NCALD: variants seen among roughly 807,000 people sequenced by gnomAD.
NCALD encodes neurocalcin-delta.
A neutral mutation model predicts 18.6 loss-of-function variants in NCALD; 10 were observed. The ratio of observed to expected loss-of-function variants is 0.54; its 90% CI spans 0.33 to 0.91. The LOEUF (loss-of-function observed/expected upper bound fraction) is 0.91. Ranked by LOEUF, NCALD falls within the 40% of genes least tolerant of loss-of-function variation. The pLI is 0.03. For missense variants in NCALD, 184 were observed against 247.6 expected, an observed-to-expected ratio of 0.74 and a Z score of 1.72; for synonymous variants, 88 against 87.4, an observed-to-expected ratio of 1.01 and a Z score of -0.04.
chr8:102,110,809 C>T (rs13278017), intron 1 of NCALD, among the ~76,000 whole-genome samples: 17,024 of 151,860 alleles, frequency 0.11, 1,023 homozygotes, highest in Middle Eastern at 0.13. Context: ...ATAATAATAG[C>T]AAAAAATGTA....
intron 2 of NCALD, among the ~76,000 whole-genome samples, chr8:101,994,125 G>C (rs1216324490): frequency 2.0e-5 from 3 of 152,108 alleles, no homozygotes; most frequent in Non-Finnish European, 4.4e-5. Flanking sequence ...CACATTTCTA[G>C]AACTTCTTCT....
intron 2 of NCALD, among the ~76,000 whole-genome samples, chr8:101,984,904 G>C (rs1820747860): frequency 6.6e-6 from 1 of 152,146 alleles, no homozygotes; most frequent in South Asian, 2.1e-4. Context: ...CATCTCTGCT[G>C]AGAACTTAGG....
chr8:102,051,216 G>A (rs1328310673), intron 1 of NCALD, among the ~76,000 whole-genome samples: 1 of 152,048 alleles, frequency 6.6e-6, no homozygotes, highest in African/African-American at 2.4e-5. Flanking sequence ...TGCTAGGTTT[G>A]GATCCTGGCT....
chr8:101,886,330 C>A (rs951363571), intron 4 of NCALD, among the ~76,000 whole-genome samples: 1 of 152,080 alleles, frequency 6.6e-6, no homozygotes, highest in Non-Finnish European at 1.5e-5. Flanking sequence ...ATCTGCCCTG[C>A]CCCCATTTAT....
intron 2 of NCALD, among the ~76,000 whole-genome samples, chr8:101,716,774 A>T (rs549363655): frequency 2.6e-5 from 4 of 152,348 alleles, no homozygotes; most frequent in African/African-American, 9.6e-5. Context: ...ATTCCCCTAA[A>T]TTATTCACAT....
chr8:101,948,004 G>A (rs907037951), intron 2 of NCALD, among the ~76,000 whole-genome samples: 4 of 152,252 alleles, frequency 2.6e-5, no homozygotes, highest in Non-Finnish European at 5.9e-5. Context: ...GATGTGGCCA[G>A]GTTATGGCCA....
chr8:102,048,216 AC>A (rs1823316214), intron 1 of NCALD, among the ~76,000 whole-genome samples: 1 of 152,222 alleles, frequency 6.6e-6, no homozygotes, highest in Non-Finnish European at 1.5e-5. Flanking sequence ...TGGAGGCTTC[AC>A]CAAAGATACG....
At chr8:101,691,044 C>T (rs1049635146) in intron 3 of NCALD, 1 of 985,252 alleles carries the variant, frequency 1.0e-6, no homozygotes, top group African/African-American at 1.7e-5. Context: ...AGTTAGATTC[C>T]AAGAGCAACA....
chr8:101,823,064 C>T (rs1813785763), intron 4 of NCALD, among the ~76,000 whole-genome samples: 1 of 152,056 alleles, frequency 6.6e-6, no homozygotes, highest in Admixed American at 6.5e-5. Flanking sequence ...TTTTATAAGC[C>T]TTGTCTGGAT....
chr8:101,851,022 TACTTCAAGGCA>T (rs1385339276), intron 4 of NCALD, among the ~76,000 whole-genome samples: 10 of 152,222 alleles, frequency 6.6e-5, no homozygotes, highest in African/African-American at 2.4e-4. Context: ...GTTTTTGTTT[TACTTCAAGGCA>T]ACTGAAAGCC....
At chr8:102,034,779 C>G (rs1357980068) in intron 1 of NCALD, among the ~76,000 whole-genome samples, 1 of 152,122 alleles carries the variant, frequency 6.6e-6, no homozygotes, top group Admixed American at 6.5e-5. Context: ...AGAAGTGGAC[C>G]GTGACACAAC....
chr8:102,040,042 T>A (rs1018587233), intron 1 of NCALD, among the ~76,000 whole-genome samples: 2 of 152,178 alleles, frequency 1.3e-5, no homozygotes, highest in African/African-American at 4.8e-5. Flanking sequence ...CAGGTATCCC[T>A]TTACAGCACA....
intron 2 of NCALD, among the ~76,000 whole-genome samples, chr8:101,976,285 G>A (rs915092688): frequency 1.3e-4 from 20 of 152,076 alleles, no homozygotes; most frequent in Admixed American, 2.6e-4. Flanking sequence ...ATTTGAGAGT[G>A]CCTGCCACCT....
intron 1 of NCALD, among the ~76,000 whole-genome samples, chr8:101,747,474 T>C (rs1208342702): frequency 6.6e-6 from 1 of 152,128 alleles, no homozygotes; most frequent in Non-Finnish European, 1.5e-5. Context: ...GAAAGACAGA[T>C]AGAAAAATCA....
At chr8:102,083,847 G>A (rs1030002930) in intron 1 of NCALD, among the ~76,000 whole-genome samples, 2 of 152,030 alleles carry the variant, frequency 1.3e-5, no homozygotes, top group African/African-American at 4.8e-5. Context: ...TAGTCACATC[G>A]CTATTTTGAT....
intron 1 of NCALD, among the ~76,000 whole-genome samples, chr8:102,064,051 T>C (rs771871826): frequency 3.3e-5 from 5 of 152,228 alleles, no homozygotes; most frequent in Admixed American, 6.5e-5. Flanking sequence ...AGAGTTGGTT[T>C]CTGTGCCCCA....
At chr8:101,825,319 C>G (rs1813890394) in intron 4 of NCALD, among the ~76,000 whole-genome samples, 2 of 152,226 alleles carry the variant, frequency 1.3e-5, no homozygotes, top group Non-Finnish European at 2.9e-5. Context: ...GAAGGTCTGT[C>G]CTTCAGCATC....
chr8:101,964,588 ACAGT>A (rs1236424166), intron 2 of NCALD, among the ~76,000 whole-genome samples: 1 of 152,172 alleles, frequency 6.6e-6, no homozygotes, highest in Non-Finnish European at 1.5e-5. Context: ...TTCTGCTCAT[ACAGT>A]CATTTTATTT....
intron 4 of NCALD, among the ~76,000 whole-genome samples, chr8:101,830,191 T>C (rs1456125745): frequency 6.6e-6 from 1 of 152,162 alleles, no homozygotes; most frequent in Non-Finnish European, 1.5e-5. Flanking sequence ...CTTGGGCTTA[T>C]AAGATACAAT....
Sources: gnomAD v4.1 joint callset for allele counts (sites outside exome capture counted in the v4.1 genomes callset) on GRCh38, gnomAD v4.1.1 for gene constraint, MANE v1.5 for transcripts, NCBI Gene and HGNC (gene_info 2026-07-23, HGNC 2026-07-21) for gene names.